FMNL1: variants seen among roughly 807,000 people sequenced by gnomAD.
FMNL1 encodes formin-like protein 1.
FMNL1 carries 43 observed loss-of-function variants against 121.3 expected under a neutral mutation model. That is an observed-to-expected ratio of 0.35 (90% CI 0.28 to 0.46). The LOEUF is 0.46. Ranked by LOEUF, FMNL1 falls within the 20% of genes least tolerant of loss-of-function variation. The pLI is 1.00. For synonymous variants in FMNL1, 613 were observed against 613.5 expected (o/e 1.00, Z 0.01); for missense variants, 1,191 against 1,482.4 (o/e 0.80, Z 3.23).
intron 1 of FMNL1, among the ~76,000 whole-genome samples, chr17:45,225,410 G>A (rs1429499407): frequency 6.6e-6 from 1 of 152,226 alleles, no homozygotes; most frequent in Non-Finnish European, 1.5e-5. Flanking sequence ...CCATGGGGTC[G>A]CTCAGGCCTT....
At position 45,243,381 on chromosome 17, in the gene FMNL1, A is replaced by G. The variant is rs188202750; in HGVS notation, c.2213+61A>G. Reference sequence around the variant, plus strand: ...GCCCCTTTGCTAGGCTGGGGTTGTCAGGCAGATCCTAGTAAAAGAGCCTCA... The same window carrying G: ...GCCCCTTTGCTAGGCTGGGGTTGTCGGGCAGATCCTAGTAAAAGAGCCTCA... On this transcript the variant is annotated intron_variant, in intron 17 of 26. Coordinates refer to ENST00000331495, the MANE Select transcript of FMNL1 (RefSeq NM_005892.4). 1.1e-4 allele frequency: 169 copies of G among 1,577,316 alleles called. 1 individual carries two copies. In the East Asian group the frequency reaches 3.6e-3, roughly 34 times the overall value.
At position 45,242,150 on chromosome 17, in the gene FMNL1, A is replaced by C. The variant is rs564113543; in HGVS notation, c.1885+4A>C. ...CGCGACTCAGAATTGGGCCCAGGTG[A>C]GTGGAGTGGACCACCTTGGGCCCGG... On this transcript the variant is annotated splice_donor_region_variant and intron_variant, in intron 15 of 26. Coordinates refer to ENST00000331495, the MANE Select transcript of FMNL1 (RefSeq NM_005892.4). The C allele has an allele frequency of 2.6e-6, 4 of 1,532,770 alleles. No homozygotes were observed. The Admixed American group carries it at 8.3e-5, about 32-fold the overall frequency. The allele number at this position is 1,532,770 out of a possible 1,614,324, so 94.9% of individuals were successfully genotyped here.
intron 1 of FMNL1, among the ~76,000 whole-genome samples, chr17:45,228,606 A>C (rs1164724416): frequency 6.6e-6 from 1 of 152,220 alleles, no homozygotes; most frequent in Non-Finnish European, 1.5e-5. Context: ...GTCGGCGCGC[A>C]GGGCTCGGAG....
At position 45,242,390 on chromosome 17, in the gene FMNL1, G is replaced by A; in HGVS notation, c.1935G>A (p.Leu645=). 6.2e-7 allele frequency: 1 copy of A among 1,614,104 alleles called. No homozygotes were observed. The highest frequency in any genetic ancestry group is 8.5e-7 in the Non-Finnish European group (1 of 1,179,966). The stretch of plus-strand genomic sequence containing the variant: ...AGACTAAGTTCCGAATGCCACTCTT[G>A]AACTGGGTGGCACTGAAACCCAGCC... ...PIQTKFRMPL[L]NWVALKPSQI... Residue 645 remains leucine (L), a synonymous_variant, in exon 16 of 27, where the codon TTG becomes TTA. Transcript: ENST00000331495.
intron 1 of FMNL1, among the ~76,000 whole-genome samples, chr17:45,229,964 G>T (rs1008794173): frequency 6.6e-6 from 1 of 152,176 alleles, no homozygotes; most frequent in Non-Finnish European, 1.5e-5. Context: ...CTGCTGACAT[G>T]GCCGCCCTCA....
At chr17:45,243,567 G>A (rs1372281202) in intron 17 of FMNL1, among the ~76,000 whole-genome samples, 4 of 152,364 alleles carry the variant, frequency 2.6e-5, no homozygotes, top group African/African-American at 4.8e-5. Flanking sequence ...ATTTACAGCC[G>A]GGCGTCCGCC....
rs2043433759 is a variant in FMNL1 at position 45,231,342 on chromosome 17, G to A, written c.213+655G>A. ...GGGAGGCTGCAGAGGCTGGGGGTGG[G>A]GAGTTGGGAGCTGAGAGCCTCCCCT... is the stretch of plus-strand genomic sequence containing the variant. On this transcript the variant is annotated intron_variant, in intron 2 of 26. Coordinates refer to ENST00000331495, the MANE Select transcript of FMNL1 (RefSeq NM_005892.4). This position sits in a 1 kb window ranked among gnomAD's most constrained non-coding sequence, Gnocchi z 4.7. 6.6e-6 allele frequency: 1 copy of A among 152,410 alleles called. No individual in the cohort carries two copies. Among genetic ancestry groups the A allele is most frequent in the South Asian group, 2.1e-4 (1 of 4,864 alleles). The allele number at this position is 152,410 out of a possible 1,614,324, so 9.4% of individuals were successfully genotyped here.
At position 45,238,837 on chromosome 17, in the gene FMNL1, G is replaced by C. The variant is rs1007506601; in HGVS notation, c.970-118G>C. The C allele has an allele frequency of 3.7e-6, 4 of 1,095,502 alleles. No individual in the cohort carries two copies. In the African/African-American group the frequency reaches 6.1e-5, roughly 17 times the overall value. 67.9% of individuals were successfully genotyped at this position (1,095,502 alleles called of 1,614,324 possible). A position where few individuals can be genotyped will look rare whatever the true frequency, so the allele number is the denominator to read the frequency against. On this transcript the variant is annotated intron_variant, in intron 10 of 26. Coordinates refer to ENST00000331495, the MANE Select transcript of FMNL1 (RefSeq NM_005892.4). ...GTGAAATGTTGGGCAGGCCAAGGCT[G>C]GGAGTTAGTGGAGTGAGAACTGTGG...
chr17:45,246,494 C>A lies in FMNL1; in HGVS notation c.3212-11C>A, dbSNP rs1180685658. ...TCTCTACTCCCCTTCACCTGCCCCA[C>A]CCCCACTCAGTGATCAAGACGGTGC... On this transcript the variant is annotated splice_polypyrimidine_tract_variant and intron_variant, in intron 25 of 26. Transcript: ENST00000331495. 1.2e-6 allele frequency: 2 copies of A among 1,614,158 alleles called. No individual in the cohort carries two copies. The highest frequency in any genetic ancestry group is 1.7e-5 in the Admixed American group (1 of 60,022).
chr17:45,241,529 G>A lies in FMNL1; in HGVS notation c.1480G>A (p.Gly494Arg). The change falls in exon 14 of 27, where the codon GGG (glycine) becomes AGG (arginine). Residue 494 changes from glycine to arginine, a missense_variant. Around this residue, in one of 4 missense-constraint regions of FMNL1, gnomAD observed 519 missense variants for 492.8 expected, o/e 1.05. Transcript: ENST00000331495. This position sits in a 1 kb window ranked among gnomAD's most constrained non-coding sequence, Gnocchi z 7.0. ...EEKGLIRILR[G>R]PGDAVSIEIL... ...GAAGGGGTTAATCCGTATTCTGCGGGGGCCGGGGGATGCTGTCTCCATCGA... is the reference window on the plus strand; with the variant it reads ...GAAGGGGTTAATCCGTATTCTGCGGAGGCCGGGGGATGCTGTCTCCATCGA... 1.3e-6 allele frequency: 2 copies of A among 1,578,542 alleles called. No individual in the cohort carries two copies. Among genetic ancestry groups the A allele is most frequent in the Non-Finnish European group, 1.7e-6 (2 of 1,163,174 alleles).
At chr17:45,226,403 G>C (rs543019699) in intron 1 of FMNL1, among the ~76,000 whole-genome samples, 13 of 152,288 alleles carry the variant, frequency 8.5e-5, no homozygotes, top group Non-Finnish European at 1.6e-4. Flanking sequence ...GGAGCTGGCT[G>C]TTCCTGGTTC....
chr17:45,243,282 C>A lies in FMNL1; in HGVS notation c.2175C>A (p.Gly725=), dbSNP rs1356832556. 2.5e-6 allele frequency: 4 copies of A among 1,613,694 alleles called. No homozygotes were observed. The highest frequency in any genetic ancestry group is 2.2e-5 in the South Asian group (2 of 91,082). ...AKNLAITLRK[G]NLGAERICQA... ...ACTTGGCCATCACCCTGCGGAAGGG[C>A]AACCTGGGGGCCGAGCGCATCTGCC... Residue 725 remains glycine, a synonymous_variant, in exon 17 of 27, where the codon GGC becomes GGA. Transcript: ENST00000331495.
Position 45,222,054 on chromosome 17 carries a change from CCT to C in FMNL1, c.-69_-68del. 1 of 1,116,328 alleles carries C rather than the reference CCT, an allele frequency of 9.0e-7. No individual in the cohort carries two copies. Among genetic ancestry groups the C allele is most frequent in the Non-Finnish European group, 1.1e-6 (1 of 911,192 alleles). The allele number at this position is 1,116,328 out of a possible 1,614,324, so 69.2% of individuals were successfully genotyped here. A position where few individuals can be genotyped will look rare whatever the true frequency, so the allele number is the denominator to read the frequency against. On this transcript the variant is annotated 5_prime_UTR_variant, in exon 1 of 27. Transcript: ENST00000331495. The stretch of plus-strand genomic sequence containing the variant: ...CCCTCGCCCCCGCCCGGGCCGGGAG[CCT>C]CGTCCCCGTCCCCCGGAAAGCTGGA...
At position 45,246,347 on chromosome 17, in the gene FMNL1, G is replaced by C. The variant is rs756726981; in HGVS notation, c.3211+17G>C. ...TCATCACAGGTAAGGGCTTGGCCAG[G>C]CCTTGGTCTTATCCTCAGTCTGTCC... is the stretch of plus-strand genomic sequence containing the variant. On this transcript the variant is annotated intron_variant, in intron 25 of 26. Coordinates refer to ENST00000331495, the MANE Select transcript of FMNL1 (RefSeq NM_005892.4). 15 of 1,613,956 alleles carry C rather than the reference G, an allele frequency of 9.3e-6. No homozygotes were observed. The African/African-American group carries it at 1.9e-4, about 20-fold the overall frequency.
At chr17:45,245,228 T>C in intron 21 of FMNL1, 25 bp from the exon 22 acceptor site, 1 of 1,613,992 alleles carries the variant, frequency 6.2e-7, no homozygotes, top group Non-Finnish European at 8.5e-7. Context: ...TTCACTGACC[T>C]GATACTGCCC....
At position 45,246,613 on chromosome 17, in the gene FMNL1, A is replaced by G. The variant is rs1304235923; in HGVS notation, c.*8+9A>G. 1.3e-6 allele frequency: 2 copies of G among 1,580,952 alleles called. No homozygotes were observed. The highest frequency in any genetic ancestry group is 1.8e-5 in the Admixed American group (1 of 56,996). On this transcript the variant is annotated intron_variant, in intron 26 of 26. Coordinates refer to ENST00000331495, the MANE Select transcript of FMNL1 (RefSeq NM_005892.4). ...CCCCTCTAGCCCCTCAGGTACCCAGATGACCTGGCCTCTGATACCACGCTG... is the reference window on the plus strand; with the variant it reads ...CCCCTCTAGCCCCTCAGGTACCCAGGTGACCTGGCCTCTGATACCACGCTG...
rs372318529 is a variant in FMNL1, at chr17:45,244,001, G to A, written c.2424G>A (p.Pro808=). The change falls in exon 18 of 27, where the codon CCG becomes CCA. Residue 808 remains proline (P), a synonymous_variant. Transcript: ENST00000331495. ...CACTCACCTTCCTGGGCAACTTCCC[G>A]GACACAGCCCAGCTGCTCATGCCGG... ...MTTLTFLGNF[P]DTAQLLMPQL... 7.4e-6 allele frequency: 12 copies of A among 1,610,794 alleles called. No homozygotes were observed. Among genetic ancestry groups the A allele is most frequent in the South Asian group, 6.6e-5 (6 of 91,052 alleles).
intron 10 of FMNL1, 76 bp downstream of exon 10, chr17:45,238,714 G>C: frequency 6.4e-7 from 1 of 1,566,042 alleles, no homozygotes; most frequent in South Asian, 1.1e-5. Flanking sequence ...GGTCCTGGGT[G>C]CTGGGCAATG....
At position 45,237,474 on chromosome 17, in the gene FMNL1, G is replaced by A. The variant is rs190079247; in HGVS notation, c.801-72G>A. On this transcript the variant is annotated intron_variant, in intron 8 of 26. Transcript: ENST00000331495. The surrounding 1 kb of genome is among the most constrained non-coding windows in gnomAD (Gnocchi z 4.4). ...TTCTGCACCCACTATGCTCCTCCTA[G>A]CCAGGCCTGTGCCCACCCTTGCCGC... 3.2e-3 allele frequency: 5,228 copies of A among 1,609,162 alleles called. 10 individuals are homozygous for A. Among genetic ancestry groups the A allele is most frequent in the Non-Finnish European group, 3.9e-3 (4,603 of 1,175,790 alleles).
Sources: allele counts gnomAD v4.1 joint callset (sites outside exome capture counted in the v4.1 genomes callset), GRCh38; gene constraint gnomAD v4.1.1; regional missense constraint gnomAD v4.1.1; non-coding constraint Gnocchi (gnomAD v3.1); transcripts MANE v1.5; gene names NCBI Gene and HGNC (gene_info 2026-07-23, HGNC 2026-07-21).